FMN1: variants seen among roughly 807,000 people sequenced by gnomAD.
The protein encoded by FMN1 is formin-1.
In FMN1, 110 loss-of-function variants were observed where a neutral mutation model predicts 132.4. That is an observed-to-expected ratio of 0.83 (90% CI 0.71 to 0.97). The LOEUF (loss-of-function observed/expected upper bound fraction) is 0.97, where lower values mean the gene tolerates loss of function less well. Among genes scored for constraint, FMN1 ranks in the 50% least tolerant of loss-of-function variants. FMN1 has a pLI of 0.00. For missense variants in FMN1, 1,792 were observed against 1,705.3 expected, an observed-to-expected ratio of 1.05 and a Z score of -0.90; for synonymous variants, 722 against 651.7, an observed-to-expected ratio of 1.11 and a Z score of -1.64.
chr15:33,068,795 C>T (rs1396510172), intron 5 of FMN1, among the ~76,000 whole-genome samples: 1 of 152,182 alleles, frequency 6.6e-6, no homozygotes, highest in African/African-American at 2.4e-5. Flanking sequence ...TAGGCAAGCA[C>T]ACCCACCACA....
chr15:33,127,602 C>G (rs955214385), intron 4 of FMN1, among the ~76,000 whole-genome samples: 4 of 151,656 alleles, frequency 2.6e-5, no homozygotes, highest in African/African-American at 9.7e-5. Context: ...GCTAGTCAAC[C>G]AAGACAGAAG....
chr15:33,162,190 T>C (rs1378855676), intron 3 of FMN1, among the ~76,000 whole-genome samples: 2 of 152,092 alleles, frequency 1.3e-5, no homozygotes, highest in East Asian at 3.9e-4. Context: ...TTTTTGTATA[T>C]TTTGTAGAGA....
At chr15:32,826,747 A>T (rs908364940) in intron 17 of FMN1, among the ~76,000 whole-genome samples, 1 of 152,222 alleles carries the variant, frequency 6.6e-6, no homozygotes, top group Admixed American at 6.5e-5. Flanking sequence ...AGAACACTAC[A>T]TGATCTCACA....
intron 9 of FMN1, among the ~76,000 whole-genome samples, chr15:32,945,727 T>C (rs2061495756): frequency 6.6e-6 from 1 of 152,166 alleles, no homozygotes. Flanking sequence ...GTATCCACGA[T>C]GCAAATTACC....
chr15:32,791,647 G>C (rs2057083265), intron 19 of FMN1, among the ~76,000 whole-genome samples: 1 of 152,190 alleles, frequency 6.6e-6, no homozygotes, highest in South Asian at 2.1e-4. Context: ...AATCAGAGCA[G>C]AGACACCTCA....
chr15:33,050,753 T>C (rs2036930462), intron 6 of FMN1, among the ~76,000 whole-genome samples: 1 of 152,188 alleles, frequency 6.6e-6, no homozygotes, highest in Non-Finnish European at 1.5e-5. Context: ...ATAAACCAAA[T>C]ATACAAGAAT....
chr15:33,141,357 A>G (rs1436198235), intron 4 of FMN1, among the ~76,000 whole-genome samples: 1 of 152,052 alleles, frequency 6.6e-6, no homozygotes, highest in Admixed American at 6.5e-5. Context: ...TTTTTTCCCC[A>G]TAGGGATAAC....
intron 17 of FMN1, among the ~76,000 whole-genome samples, chr15:32,834,456 G>T (rs571726163): frequency 1.2e-4 from 19 of 152,280 alleles, no homozygotes; most frequent in African/African-American, 3.4e-4. Context: ...ATTTCAAGCT[G>T]CCTCAAGGAG....
intron 2 of FMN1, among the ~76,000 whole-genome samples, chr15:33,186,091 C>T (rs189933582): frequency 6.6e-6 from 1 of 152,046 alleles, no homozygotes; most frequent in East Asian, 1.9e-4. Context: ...AATGGTTCTC[C>T]AGTCTCACCT....
intron 19 of FMN1, among the ~76,000 whole-genome samples, chr15:32,797,728 CT>C (rs1380726023): frequency 6.6e-6 from 1 of 152,156 alleles, no homozygotes; most frequent in East Asian, 1.9e-4. Flanking sequence ...AGGCCTTTCT[CT>C]TTTTTTAGCT....
At chr15:33,022,214 T>C (rs1359350700) in intron 6 of FMN1, among the ~76,000 whole-genome samples, 3 of 152,244 alleles carry the variant, frequency 2.0e-5, no homozygotes, top group African/African-American at 2.4e-5. Flanking sequence ...GGTATTTTTT[T>C]CCCAAATGTT....
chr15:33,074,761 A>C (rs2038133973), intron 5 of FMN1, among the ~76,000 whole-genome samples: 1 of 152,120 alleles, frequency 6.6e-6, no homozygotes, highest in South Asian at 2.1e-4. Flanking sequence ...CACGCCTGTA[A>C]TCCTAGCACT....
intron 4 of FMN1, among the ~76,000 whole-genome samples, chr15:33,134,636 A>T (rs1373720534): frequency 2.0e-5 from 3 of 152,218 alleles, no homozygotes; most frequent in African/African-American, 7.2e-5. Flanking sequence ...AAGGAGAAGA[A>T]AGAAAAGAAC....
At chr15:33,156,513 ATC>A (rs1433317937) in intron 3 of FMN1, among the ~76,000 whole-genome samples, 5 of 151,578 alleles carry the variant, frequency 3.3e-5, no homozygotes, top group African/African-American at 4.9e-5. Context: ...TGGTCTGGAA[ATC>A]TTGGACTCAA....
chr15:33,010,057 T>C (rs2034626064), intron 6 of FMN1, among the ~76,000 whole-genome samples: 1 of 152,166 alleles, frequency 6.6e-6, no homozygotes, highest in South Asian at 2.1e-4. Flanking sequence ...CTAATTTTTG[T>C]ATTTTTAGTA....
At chr15:32,895,310 A>G (rs1390120154) in intron 15 of FMN1, among the ~76,000 whole-genome samples, 3 of 152,102 alleles carry the variant, frequency 2.0e-5, no homozygotes, top group Admixed American at 6.5e-5. Flanking sequence ...CATGAAGAAA[A>G]AAGGAAAAAA....
chr15:33,028,798 G>A (rs144215266), intron 6 of FMN1, among the ~76,000 whole-genome samples: 58 of 152,300 alleles, frequency 3.8e-4, no homozygotes, highest in African/African-American at 1.3e-3. Flanking sequence ...GCCCCAGTCT[G>A]AGGCTCAAGG....
intron 6 of FMN1, among the ~76,000 whole-genome samples, chr15:33,024,923 G>C (rs1364032411): frequency 6.6e-6 from 1 of 152,056 alleles, no homozygotes; most frequent in African/African-American, 2.4e-5. Flanking sequence ...TACGAATGCA[G>C]ATAAATCTAA....
intron 16 of FMN1, among the ~76,000 whole-genome samples, chr15:32,869,516 C>G: frequency 6.6e-6 from 1 of 152,070 alleles, no homozygotes; most frequent in Non-Finnish European, 1.5e-5. Flanking sequence ...ATTAGACACT[C>G]AAGTATATAT....
Sources: allele counts gnomAD v4.1 joint callset (sites outside exome capture counted in the v4.1 genomes callset), GRCh38; gene constraint gnomAD v4.1.1; transcripts MANE v1.5; gene names NCBI Gene and HGNC (gene_info 2026-07-23, HGNC 2026-07-21).